The following STK33 variants were observed in gnomAD, a reference collection of about 807,000 sequenced individuals.
STK33 encodes the protein serine/threonine kinase 33.
STK33 carries 52 observed loss-of-function variants against 58.0 expected under a neutral mutation model. The ratio of observed to expected loss-of-function variants is 0.90; its 90% CI spans 0.72 to 1.13. The LOEUF (loss-of-function observed/expected upper bound fraction) is 1.13. STK33 is among the 50% of genes most tolerant of loss of function. The probability of loss-of-function intolerance (pLI) is 0.00; values close to 1 mark genes in which losing one functional copy is unlikely to be tolerated. For synonymous variants in STK33, 215 were observed against 200.1 expected, an observed-to-expected ratio of 1.07 and a Z score of -0.63; for missense variants, 630 against 604.2, an observed-to-expected ratio of 1.04 and a Z score of -0.45.
At chr11:8,473,081 A>AC in intron 6 of STK33, 82 bp downstream of exon 6, 2 of 828,200 alleles carry the variant, frequency 2.4e-6, no homozygotes, top group Non-Finnish European at 3.8e-6. Flanking sequence ...TTAGAGATTT[A>AC]TTTTTCAATC....
chr11:8,506,356 T>C (rs1286630072), intron 1 of STK33, among the ~76,000 whole-genome samples: 1 of 152,200 alleles, frequency 6.6e-6, no homozygotes, highest in Non-Finnish European at 1.5e-5. Flanking sequence ...TAAAGAGCCC[T>C]ATATTCATTT....
At chr11:8,449,115 T>C (rs1945920973) in intron 11 of STK33, among the ~76,000 whole-genome samples, 2 of 151,496 alleles carry the variant, frequency 1.3e-5, no homozygotes, top group Admixed American at 6.6e-5. Context: ...ATGGCGGTCA[T>C]TAAAAAGTCA....
intron 15 of STK33, among the ~76,000 whole-genome samples, chr11:8,411,996 G>A (rs1023626819): frequency 2.6e-5 from 4 of 152,068 alleles, no homozygotes; most frequent in African/African-American, 7.2e-5. Flanking sequence ...AGTGTGACAC[G>A]GCAATGGAAA....
intron 1 of STK33, among the ~76,000 whole-genome samples, chr11:8,518,179 C>A (rs1318272141): frequency 6.6e-6 from 1 of 152,112 alleles, no homozygotes; most frequent in South Asian, 2.1e-4. Flanking sequence ...AGAGTGGGGG[C>A]AAATATTCAA....
intron 1 of STK33, among the ~76,000 whole-genome samples, chr11:8,519,547 T>A (rs1028123878): frequency 6.6e-6 from 1 of 151,780 alleles, no homozygotes; most frequent in Non-Finnish European, 1.5e-5. Context: ...AATCAATGAA[T>A]CCAGGAGCTA....
At chr11:8,357,083 C>T in the STK33 span, among the ~76,000 whole-genome samples, 1 of 152,358 alleles carries the variant, frequency 6.6e-6, no homozygotes, top group African/African-American at 2.4e-5. Flanking sequence ...GGCCTGCCCT[C>T]TTCCCTCCTC....
chr11:8,378,638 C>T, the STK33 span, among the ~76,000 whole-genome samples: 1 of 152,232 alleles, frequency 6.6e-6, no homozygotes, highest in Non-Finnish European at 1.5e-5. Flanking sequence ...CACTGGGTCC[C>T]TCTCACAACA....
intron 1 of STK33, among the ~76,000 whole-genome samples, chr11:8,575,785 G>T (rs541283519): frequency 6.6e-6 from 1 of 152,000 alleles, no homozygotes; most frequent in South Asian, 2.1e-4. Context: ...GACCAAGTAG[G>T]GTTCATCCTA....
chr11:8,351,105 T>C, the STK33 span, among the ~76,000 whole-genome samples: 2 of 152,138 alleles, frequency 1.3e-5, no homozygotes, highest in African/African-American at 4.8e-5. Context: ...ACCCCTTAAA[T>C]GAAGAGCCCC....
At chr11:8,485,484 C>T (rs956540108) in intron 1 of STK33, among the ~76,000 whole-genome samples, 2 of 152,158 alleles carry the variant, frequency 1.3e-5, no homozygotes, top group Non-Finnish European at 2.9e-5. Flanking sequence ...TTCCACTATA[C>T]TACAAACAGA....
chr11:8,356,444 TCGCCAC>T, the STK33 span, among the ~76,000 whole-genome samples: 1 of 151,858 alleles, frequency 6.6e-6, no homozygotes, highest in Non-Finnish European at 1.5e-5. Context: ...GACCGACGGC[TCGCCAC>T]TGTCATCCTT....
chr11:8,371,372 G>A, the STK33 span, among the ~76,000 whole-genome samples: 1 of 152,134 alleles, frequency 6.6e-6, no homozygotes, highest in Admixed American at 6.5e-5. Context: ...AATGCCAGGA[G>A]CCACCAGGAA....
At chr11:8,504,624 GAAAAATAAAAAAT>G (rs1419045724) in intron 1 of STK33, among the ~76,000 whole-genome samples, 3 of 151,690 alleles carry the variant, frequency 2.0e-5, no homozygotes, top group Admixed American at 6.6e-5. Flanking sequence ...CTCATCTCCA[GAAAAATAAAAAAT>G]AAAAATAAAA....
At chr11:8,373,475 C>T in the STK33 span, among the ~76,000 whole-genome samples, 2 of 152,056 alleles carry the variant, frequency 1.3e-5, no homozygotes, top group African/African-American at 2.4e-5. Context: ...CTGGGAGCTG[C>T]GAGGAAGACG....
At chr11:8,420,615 C>T (rs949768536) in intron 14 of STK33, among the ~76,000 whole-genome samples, 1 of 152,164 alleles carries the variant, frequency 6.6e-6, no homozygotes, top group Non-Finnish European at 1.5e-5. Flanking sequence ...CCTTCTATCA[C>T]CTGAGGTGAC....
intron 8 of STK33, 27 bp downstream of exon 8, chr11:8,461,777 CA>C: frequency 6.7e-7 from 1 of 1,494,464 alleles, no homozygotes; most frequent in Non-Finnish European, 9.0e-7. Flanking sequence ...TAACAACTTT[CA>C]AAATGCAGCG....
intron 5 of STK33, 50 bp downstream of exon 5, chr11:8,474,631 A>G (rs372241599): frequency 2.2e-6 from 3 of 1,368,324 alleles, no homozygotes; most frequent in Non-Finnish European, 2.0e-6. Flanking sequence ...GAGTACCATT[A>G]GGGAACGGGA....
intron 1 of STK33, among the ~76,000 whole-genome samples, chr11:8,531,556 G>A (rs1180388917): frequency 6.6e-6 from 1 of 152,218 alleles, no homozygotes; most frequent in Admixed American, 6.5e-5. Flanking sequence ...GCGGATGGCA[G>A]GAGCTGAGCT....
At chr11:8,494,174 G>A (rs932320351) in intron 1 of STK33, among the ~76,000 whole-genome samples, 1 of 152,192 alleles carries the variant, frequency 6.6e-6, no homozygotes, top group African/African-American at 2.4e-5. Context: ...GTTTGCAGAT[G>A]ACATGATTGT....
Sources: gnomAD v4.1 joint callset for allele counts (sites outside exome capture counted in the v4.1 genomes callset) on GRCh38, gnomAD v4.1.1 for gene constraint, MANE v1.5 for transcripts, NCBI Gene and HGNC (gene_info 2026-07-23, HGNC 2026-07-21) for gene names.